The following TOR1AIP1 variants were observed in gnomAD, a reference collection of about 807,000 sequenced individuals.
TOR1AIP1 encodes the protein torsin-1A-interacting protein 1.
TOR1AIP1 carries 54 observed loss-of-function variants against 63.3 expected under a neutral mutation model. The observed-to-expected ratio is 0.85, with a 90% CI of 0.69 to 1.07. The LOEUF (loss-of-function observed/expected upper bound fraction) is 1.07. Among genes scored for constraint, TOR1AIP1 ranks in the 50% least tolerant of loss-of-function variants. TOR1AIP1 has a pLI of 0.00. For missense variants in TOR1AIP1, 736 were observed against 715.0 expected (o/e 1.03, Z -0.33); for synonymous variants, 294 against 273.5 (o/e 1.07, Z -0.74).
intron 9 of TOR1AIP1, among the ~76,000 whole-genome samples, chr1:179,914,272 A>G (rs1328532743): frequency 2.6e-5 from 4 of 152,266 alleles, no homozygotes; most frequent in East Asian, 3.8e-4. Context: ...TTAACTGTCT[A>G]TAAGACCAAA....
Position 179,908,084 on chromosome 1 carries a change from A to G in TOR1AIP1, c.838+220A>G, listed in dbSNP as rs987829598. On this transcript the variant is annotated intron_variant, in intron 7 of 9. Transcript: ENST00000606911. ...CCACCACGCCCGGCTAATTTTTTGT[A>G]TTTTTAGTAGAGACGGTGTTTCACT... Among the ~76,000 whole-genome samples the G allele has an allele frequency of 2.6e-5, 4 of 151,496 alleles. No homozygotes were observed. In the East Asian group the frequency reaches 7.7e-4, roughly 29 times the overall value.
Position 179,882,825 on chromosome 1 carries a change from C to G in TOR1AIP1, c.323C>G (p.Ser108Cys). The change falls in exon 1 of 10, where the codon TCT becomes TGT. Residue 108 changes from serine (S) to cysteine (C), a missense_variant. This residue lies in a region of TOR1AIP1 where 464 missense variants were observed against 371.0 expected (regional missense o/e 1.25). Transcript: ENST00000606911. ...AGAGAAAGCGCGTACTACCTTCGGT[C>G]TAGGCAGCGGAGGCAGCCGCGACCC... is the stretch of plus-strand genomic sequence containing the variant. ...EVRESAYYLRSRQRRQPRPQE... is the reference protein window; with the variant it reads ...EVRESAYYLRCRQRRQPRPQE... The G allele has an allele frequency of 1.9e-6, 3 of 1,614,210 alleles. No homozygotes were observed. The highest frequency in any genetic ancestry group is 2.5e-6 in the Non-Finnish European group (3 of 1,180,036).
intron 3 of TOR1AIP1, 60 bp from the exon 4 acceptor site, chr1:179,900,066 C>G (rs1339997234): frequency 7.5e-7 from 1 of 1,326,632 alleles, no homozygotes; most frequent in Admixed American, 1.9e-5. Context: ...TTTGTTTATT[C>G]CTAAGCTTTA....
intron 6 of TOR1AIP1, among the ~76,000 whole-genome samples, chr1:179,905,755 C>T (rs947782544): frequency 6.6e-6 from 1 of 152,080 alleles, no homozygotes; most frequent in Non-Finnish European, 1.5e-5. Flanking sequence ...GAGTTTGAGA[C>T]CAGCCTGGCC....
intron 6 of TOR1AIP1, 118 bp downstream of exon 6, chr1:179,904,140 TA>T (rs887412736): frequency 3.0e-4 from 213 of 719,464 alleles, no homozygotes; most frequent in Admixed American, 1.6e-3. Context: ...TAATGAATGC[TA>T]AAAAAAAACT....
chr1:179,907,778 T>C (rs979627087), intron 6 of TOR1AIP1, 45 bp from the exon 7 acceptor site: 1 of 1,489,776 alleles, frequency 6.7e-7, no homozygotes, highest in Non-Finnish European at 9.1e-7. Flanking sequence ...TTTTTTGTTG[T>C]TATTTTCAAG....
chr1:179,902,253 T>C (rs1483994216), intron 5 of TOR1AIP1, among the ~76,000 whole-genome samples: 1 of 152,052 alleles, frequency 6.6e-6, no homozygotes, highest in Non-Finnish European at 1.5e-5. Flanking sequence ...CTTAAACTCC[T>C]GACCTCAGGT....
intron 3 of TOR1AIP1, among the ~76,000 whole-genome samples, chr1:179,895,502 G>A (rs1172818812): frequency 6.6e-6 from 1 of 152,128 alleles, no homozygotes; most frequent in Non-Finnish European, 1.5e-5. Context: ...CAGTTACTTG[G>A]GAGGCTGAGT....
chr1:179,906,743 C>CCCCCCCT (rs1491104735), intron 6 of TOR1AIP1, among the ~76,000 whole-genome samples: 2 of 39,854 alleles, frequency 5.0e-5, no homozygotes, highest in South Asian at 7.8e-4. Flanking sequence ...CCCCCCCCCC[C>CCCCCCCT]TTTTTTTTTT....
chr1:179,908,513 G>A (rs1453002706), intron 7 of TOR1AIP1, 92 bp from the exon 8 acceptor site: 1 of 1,003,482 alleles, frequency 1.0e-6, no homozygotes, highest in Admixed American at 2.6e-5. Context: ...ACTTTATTTT[G>A]TCTTTCTGAT....
Position 179,917,957 on chromosome 1 carries a change from G to A in TOR1AIP1, c.1470G>A (p.Leu490=). ...AGTCATTTCCCGCAGGCTCTACTTT[G>A]ATCTTCTACAAATATTGTGACCATG... is the stretch of plus-strand genomic sequence containing the variant. ...RFESFPAGST[L]IFYKYCDHEN... Residue 490 remains leucine (L), a synonymous_variant, in exon 10 of 10, where the codon TTG becomes TTA. Transcript: ENST00000606911. The A allele has an allele frequency of 1.9e-6, 3 of 1,614,234 alleles. No homozygotes were observed. Among genetic ancestry groups the A allele is most frequent in the East Asian group, 4.5e-5 (2 of 44,896 alleles).
chr1:179,904,299 T>G (rs1648559634), intron 6 of TOR1AIP1, among the ~76,000 whole-genome samples: 1 of 152,240 alleles, frequency 6.6e-6, no homozygotes, highest in African/African-American at 2.4e-5. Flanking sequence ...ATGGGTTGAT[T>G]GCTTTTATTT....
intron 1 of TOR1AIP1, chr1:179,883,709 A>C (rs1329420266): frequency 2.2e-6 from 1 of 456,154 alleles, no homozygotes; most frequent in South Asian, 1.5e-5. Flanking sequence ...CCTGAAAAAC[A>C]AGACTATTAA....
chr1:179,907,374 A>G (rs193293744), intron 6 of TOR1AIP1, among the ~76,000 whole-genome samples: 34 of 149,040 alleles, frequency 2.3e-4, no homozygotes, highest in Middle Eastern at 3.5e-3. Context: ...GGTTGCAGTG[A>G]GCTGAGATTG....
chr1:179,903,081 TTAAAC>T (rs1283870378), intron 5 of TOR1AIP1, among the ~76,000 whole-genome samples: 2 of 152,144 alleles, frequency 1.3e-5, no homozygotes, highest in Admixed American at 6.5e-5. Context: ...CTGATCACTT[TTAAAC>T]TAATTTAGTT....
At chr1:179,895,436 G>A (rs1297304049) in intron 3 of TOR1AIP1, among the ~76,000 whole-genome samples, 1 of 151,982 alleles carries the variant, frequency 6.6e-6, no homozygotes, top group Non-Finnish European at 1.5e-5. Context: ...GCGAAACCTC[G>A]TCTCTACAAA....
At chr1:179,910,152 C>G (rs1648785503) in intron 8 of TOR1AIP1, among the ~76,000 whole-genome samples, 1 of 152,158 alleles carries the variant, frequency 6.6e-6, no homozygotes. Context: ...TTTGAACTCA[C>G]TTTCTATAAT....
chr1:179,892,607 G>A (rs938637332), intron 3 of TOR1AIP1, among the ~76,000 whole-genome samples: 3 of 151,788 alleles, frequency 2.0e-5, no homozygotes, highest in Admixed American at 6.6e-5. Context: ...GCATCGTGGC[G>A]GGTGCCTGTA....
chr1:179,908,572 G>A, intron 7 of TOR1AIP1, 33 bp from the exon 8 acceptor site: 1 of 1,574,816 alleles, frequency 6.3e-7, no homozygotes, highest in Non-Finnish European at 8.7e-7. Context: ...CAAAGTATGG[G>A]AAATTATCTT....
Sources: gnomAD v4.1 joint callset for allele counts (sites outside exome capture counted in the v4.1 genomes callset) on GRCh38, gnomAD v4.1.1 for gene constraint, gnomAD v4.1.1 regional missense constraint, MANE v1.5 for transcripts, NCBI Gene and HGNC (gene_info 2026-07-23, HGNC 2026-07-21) for gene names.